Variants in ERC1 observed in about 807,000 individuals in gnomAD.
The protein encoded by ERC1 is RAB6 interacting protein 2.
In ERC1, 56 loss-of-function variants were observed where a neutral mutation model predicts 132.0. The ratio of observed to expected loss-of-function variants is 0.42; its 90% CI spans 0.34 to 0.53. The LOEUF (loss-of-function observed/expected upper bound fraction) is 0.53. Among genes scored for constraint, ERC1 ranks in the 20% least tolerant of loss-of-function variants. The pLI, the probability that ERC1 is intolerant of heterozygous loss-of-function variation, is 0.03. For missense variants in ERC1, 1,202 were observed against 1,349.9 expected, an observed-to-expected ratio of 0.89 and a Z score of 1.72; for synonymous variants, 478 against 476.1, an observed-to-expected ratio of 1.00 and a Z score of -0.05.
chr12:1,263,920 C>T (rs1217327711), intron 14 of ERC1, among the ~76,000 whole-genome samples: 2 of 151,974 alleles, frequency 1.3e-5, no homozygotes, highest in African/African-American at 4.8e-5. Context: ...GAACTCCTGA[C>T]CTCAGGTGAT....
chr12:1,277,086 C>G (rs2154334731), intron 14 of ERC1, among the ~76,000 whole-genome samples: 1 of 152,264 alleles, frequency 6.6e-6, no homozygotes, highest in Non-Finnish European at 1.5e-5. Context: ...ATTTAGAAAT[C>G]ATTATTATCC....
At chr12:1,256,391 T>G (rs976441330) in intron 13 of ERC1, among the ~76,000 whole-genome samples, 3 of 146,704 alleles carry the variant, frequency 2.0e-5, no homozygotes, top group Admixed American at 6.9e-5. Flanking sequence ...TGGGGGCCAA[T>G]AGACTCTGAG....
chr12:1,371,927 G>T lies in ERC1; in HGVS notation c.2875G>T (p.Ala959Ser), dbSNP rs1289534387. ...SSKKKTQEEVAALKREKDRLV... is the reference protein window; with the variant it reads ...SSKKKTQEEVSALKREKDRLV... ...TAAGAAGAAGACCCAAGAGGAAGTG[G>T]CTGCCCTGAAGCGGGAGAAGGATCG... The change falls in exon 16 of 19, where the codon GCT becomes TCT. Residue 959 changes from alanine (A) to serine (S), a missense_variant. Transcript: ENST00000360905. The T allele has an allele frequency of 1.2e-6, 2 of 1,614,114 alleles. No individual in the cohort carries two copies. The highest frequency in any genetic ancestry group is 1.7e-6 in the Non-Finnish European group (2 of 1,180,038).
At chr12:1,244,246 A>G (rs2076015968) in intron 13 of ERC1, among the ~76,000 whole-genome samples, 1 of 152,160 alleles carries the variant, frequency 6.6e-6, no homozygotes, top group East Asian at 1.9e-4. Flanking sequence ...GACTGGTTAT[A>G]TTTTTGGTGT....
At chr12:1,019,423 C>G (rs765811184) in intron 1 of ERC1, among the ~76,000 whole-genome samples, 2 of 152,176 alleles carry the variant, frequency 1.3e-5, no homozygotes, top group Non-Finnish European at 2.9e-5. Flanking sequence ...CCGTGCCCAG[C>G]CAAGACATTT....
At chr12:1,022,536 G>A (rs1263291057) in intron 1 of ERC1, among the ~76,000 whole-genome samples, 1 of 152,186 alleles carries the variant, frequency 6.6e-6, no homozygotes, top group Admixed American at 6.5e-5. Context: ...CCGTTTGGCT[G>A]TGTCCCCAGC....
chr12:1,315,113 G>A (rs111973110), intron 15 of ERC1, among the ~76,000 whole-genome samples: 5,529 of 151,494 alleles, frequency 0.036, 151 homozygotes, highest in Non-Finnish European at 0.058. Context: ...TCTGCCTCCC[G>A]GGTTCAAGCA....
intron 15 of ERC1, among the ~76,000 whole-genome samples, chr12:1,346,112 C>T (rs1301581157): frequency 6.6e-6 from 1 of 152,150 alleles, no homozygotes; most frequent in East Asian, 1.9e-4. Flanking sequence ...GGACTATTCT[C>T]AGCTGGATCT....
chr12:1,230,714 C>G (rs1320747616), intron 12 of ERC1, among the ~76,000 whole-genome samples: 1 of 152,082 alleles, frequency 6.6e-6, no homozygotes, highest in African/African-American at 2.4e-5. Context: ...CCCTTCAGTT[C>G]TGTTAGTATT....
At chr12:1,484,830 A>G (rs7298926) in intron 18 of ERC1, among the ~76,000 whole-genome samples, 70,609 of 151,338 alleles carry the variant, frequency 0.47, 17,349 homozygotes, top group African/African-American at 0.62. Context: ...TGCGCCTGCC[A>G]CCTCAGCCTC....
intron 18 of ERC1, among the ~76,000 whole-genome samples, chr12:1,483,088 G>A (rs1369205933): frequency 1.3e-5 from 2 of 152,062 alleles, no homozygotes; most frequent in African/African-American, 4.8e-5. Context: ...CTTGAGCCCA[G>A]GAGTTCGAGA....
intron 15 of ERC1, among the ~76,000 whole-genome samples, chr12:1,307,580 A>G (rs1000415588): frequency 1.3e-5 from 2 of 152,038 alleles, no homozygotes; most frequent in Admixed American, 1.3e-4. Context: ...CACTTTTAAA[A>G]CCTAAGACGG....
intron 16 of ERC1, among the ~76,000 whole-genome samples, chr12:1,381,795 G>A (rs759031389): frequency 1.3e-5 from 2 of 152,112 alleles, no homozygotes; most frequent in Non-Finnish European, 2.9e-5. Flanking sequence ...ATGATAGGTC[G>A]GAATTTCCTA....
chr12:1,349,643 G>A (rs1399712013), intron 15 of ERC1, among the ~76,000 whole-genome samples: 7 of 143,896 alleles, frequency 4.9e-5, no homozygotes, highest in African/African-American at 1.6e-4. Flanking sequence ...CAACCTGGAC[G>A]ACAGAGTGAG....
chr12:1,004,619 C>A (rs567243095), intron 1 of ERC1, among the ~76,000 whole-genome samples: 20 of 151,970 alleles, frequency 1.3e-4, no homozygotes, highest in African/African-American at 2.9e-4. Context: ...GTTGGCCAGG[C>A]TGGTCTCAAA....
At position 1,263,021 on chromosome 12, in the gene ERC1, C is replaced by T. The variant is rs774058506; in HGVS notation, c.2488-13C>T. ...AATTAATCCACTTCACCTAGTCTTCCATCATTTTCTAGGACAGTCTCCGTA... is the reference window on the plus strand; with the variant it reads ...AATTAATCCACTTCACCTAGTCTTCTATCATTTTCTAGGACAGTCTCCGTA... On this transcript the variant is annotated splice_polypyrimidine_tract_variant and intron_variant, in intron 13 of 18. Coordinates refer to ENST00000360905, the MANE Select transcript of ERC1 (RefSeq NM_178040.4). 1.1e-5 allele frequency: 17 copies of T among 1,612,808 alleles called. No homozygotes were observed. Among genetic ancestry groups the T allele is most frequent in the Non-Finnish European group, 1.2e-5 (14 of 1,179,480 alleles).
At chr12:1,307,121 G>A (rs2080942592) in intron 15 of ERC1, among the ~76,000 whole-genome samples, 1 of 152,128 alleles carries the variant, frequency 6.6e-6, no homozygotes, top group African/African-American at 2.4e-5. Flanking sequence ...GCTGTTGTCA[G>A]TTTCTTTGGA....
chr12:1,027,553 G>A (rs796986456), intron 1 of ERC1, 195 bp from the exon 2 acceptor site: 27 of 213,138 alleles, frequency 1.3e-4, no homozygotes, highest in African/African-American at 4.6e-4. Context: ...TGTTTTCAGC[G>A]TTCAGTTTTG....
At chr12:1,066,823 C>G (rs1050421662) in intron 2 of ERC1, among the ~76,000 whole-genome samples, 2 of 120,110 alleles carry the variant, frequency 1.7e-5, no homozygotes, top group Non-Finnish European at 3.2e-5. Flanking sequence ...GGCAACAGAG[C>G]GAGACTCTGT....
Sources: gnomAD v4.1 joint callset for allele counts (sites outside exome capture counted in the v4.1 genomes callset) on GRCh38, gnomAD v4.1.1 for gene constraint, MANE v1.5 for transcripts, NCBI Gene and HGNC (gene_info 2026-07-23, HGNC 2026-07-21) for gene names.